Variants in SLC35H1 observed in about 807,000 individuals in gnomAD.
SLC35H1 encodes the protein solute carrier family 35 member H1, also known as ovarian cancer-overexpressed gene 1 protein.
At chr20:46,352,377 T>C in the SLC35H1 span, 1 of 701,690 alleles carries the variant, frequency 1.4e-6, no homozygotes, top group Non-Finnish European at 2.3e-6. Flanking sequence ...ATGGAAGGTA[T>C]AAAGTGATCC....
At chr20:46,357,905 A>C in the SLC35H1 span, 2 of 911,038 alleles carry the variant, frequency 2.2e-6, no homozygotes, top group East Asian at 5.3e-5. Flanking sequence ...CTATGTGTGT[A>C]GGGCCCTTAG....
the SLC35H1 span, chr20:46,357,610 G>A: frequency 6.2e-7 from 1 of 1,611,220 alleles, no homozygotes; most frequent in African/African-American, 1.3e-5. Flanking sequence ...CCTCACTGAG[G>A]TCCCCCACCT....
chr20:46,354,732 T>G, the SLC35H1 span: 1 of 683,380 alleles, frequency 1.5e-6, no homozygotes. Flanking sequence ...CTGTAGCGTT[T>G]ATCATGCTGG....
At chr20:46,359,218 A>G in the SLC35H1 span, among the ~76,000 whole-genome samples, 4 of 152,100 alleles carry the variant, frequency 2.6e-5, no homozygotes, top group Admixed American at 6.5e-5. Flanking sequence ...TCCTTCATCA[A>G]TCCTACCTAT....
chr20:46,353,044 C>T, the SLC35H1 span: 2 of 152,208 alleles, frequency 1.3e-5, no homozygotes, highest in Non-Finnish European at 2.9e-5. Flanking sequence ...CAGGGAACTC[C>T]TTGGTCTACA....
the SLC35H1 span, among the ~76,000 whole-genome samples, chr20:46,359,439 C>T: frequency 3.9e-5 from 6 of 152,176 alleles, no homozygotes; most frequent in East Asian, 9.6e-4. Context: ...AGCTGGTGTA[C>T]TTTAAGTTCT....
At chr20:46,351,892 C>G in the SLC35H1 span, among the ~76,000 whole-genome samples, 3 of 152,192 alleles carry the variant, frequency 2.0e-5, no homozygotes, top group Non-Finnish European at 4.4e-5. Flanking sequence ...GAAGGAGGGG[C>G]CAGCACAGCA....
At chr20:46,354,799 G>T in the SLC35H1 span, 1 of 1,245,992 alleles carries the variant, frequency 8.0e-7, no homozygotes, top group Non-Finnish European at 1.1e-6. Context: ...AATAATCTCT[G>T]CAGCTACCAC....
At chr20:46,351,059 C>T in the SLC35H1 span, among the ~76,000 whole-genome samples, 2 of 152,222 alleles carry the variant, frequency 1.3e-5, no homozygotes, top group Non-Finnish European at 2.9e-5. Context: ...CGGCTTGCGG[C>T]GCTGTCCCGC....
the SLC35H1 span, chr20:46,356,486 G>A: frequency 1.5e-6 from 2 of 1,337,918 alleles, no homozygotes; most frequent in Non-Finnish European, 2.1e-6. Flanking sequence ...TGGAGTGGCT[G>A]GCCTAGCAGC....
chr20:46,356,669 T>G, the SLC35H1 span: 1 of 1,603,876 alleles, frequency 6.2e-7, no homozygotes, highest in Non-Finnish European at 8.5e-7. Flanking sequence ...CAGGACAGCT[T>G]GGGAGGTCCA....
At chr20:46,346,109 GTTCTGTCC>G in the SLC35H1 span, 3 of 152,142 alleles carry the variant, frequency 2.0e-5, no homozygotes, top group African/African-American at 7.2e-5. Context: ...CTGGTTCTAT[GTTCTGTCC>G]TTCTGTTGTT....
At chr20:46,364,375 G>A in the SLC35H1 span, 1 of 152,268 alleles carries the variant, frequency 6.6e-6, no homozygotes, top group African/African-American at 2.4e-5. Context: ...ACTCACCTCG[G>A]CCCTGGGAGC....
chr20:46,354,909 G>GC, the SLC35H1 span: 1 of 1,611,902 alleles, frequency 6.2e-7, no homozygotes, highest in Admixed American at 1.7e-5. Context: ...AGAGGGAAGA[G>GC]CCCCAGGAAC....
chr20:46,360,982 C>G, the SLC35H1 span, among the ~76,000 whole-genome samples: 4 of 152,228 alleles, frequency 2.6e-5, no homozygotes, highest in Non-Finnish European at 5.9e-5. Context: ...AGTTGAGACT[C>G]CTACCTGACC....
the SLC35H1 span, chr20:46,357,698 G>C: frequency 6.8e-6 from 11 of 1,614,070 alleles, no homozygotes; most frequent in African/African-American, 1.3e-4. Context: ...CACTGAACCA[G>C]CGCCCTGGAC....
At chr20:46,353,077 CAG>C in the SLC35H1 span, 3 of 152,268 alleles carry the variant, frequency 2.0e-5, no homozygotes, top group African/African-American at 7.2e-5. Context: ...CACCTACAAA[CAG>C]GGACAAAATT....
chr20:46,349,645 G>T, the SLC35H1 span: 3 of 152,554 alleles, frequency 2.0e-5, no homozygotes, highest in Non-Finnish European at 2.9e-5. Context: ...GCACAGACAG[G>T]TTAGGTCATT....
the SLC35H1 span, chr20:46,355,844 G>T: frequency 3.1e-6 from 5 of 1,614,072 alleles, no homozygotes; most frequent in East Asian, 2.2e-5. The surrounding 1 kb of genome is among the most constrained non-coding windows in gnomAD (Gnocchi z 4.8). Flanking sequence ...TCAAGATGAA[G>T]AGGACAGCTG....
Sources: allele counts gnomAD v4.1 joint callset (sites outside exome capture counted in the v4.1 genomes callset), GRCh38; gene constraint gnomAD v4.1.1; non-coding constraint Gnocchi (gnomAD v3.1); transcripts MANE v1.5; gene names NCBI Gene and HGNC (gene_info 2026-07-23, HGNC 2026-07-21).